Variants in SP100 observed in about 807,000 individuals in gnomAD.
SP100 encodes the protein SP100 nuclear body protein.
A neutral mutation model predicts 130.0 loss-of-function variants in SP100; 84 were observed. That is an observed-to-expected ratio of 0.65 (90% CI 0.54 to 0.77). SP100 has a LOEUF of 0.77. SP100 is among the 30% of genes least tolerant of loss of function. The pLI is 0.00. For synonymous variants in SP100, 331 were observed against 351.7 expected (o/e 0.94, Z 0.66); for missense variants, 978 against 1,052.2 (o/e 0.93, Z 0.97).
intron 24 of SP100, chr2:230,520,692 T>C (rs1252553777): frequency 2.0e-5 from 3 of 152,190 alleles, no homozygotes; most frequent in African/African-American, 4.8e-5. Context: ...AAATAAATAA[T>C]TTGATAACAG....
intron 2 of SP100, among the ~76,000 whole-genome samples, chr2:230,421,897 G>A (rs1282197473): frequency 1.3e-5 from 2 of 152,016 alleles, no homozygotes; most frequent in Non-Finnish European, 2.9e-5. Flanking sequence ...TTTCAATTCT[G>A]ACCATTTTGC....
chr2:230,430,435 T>A (rs1048686945), intron 2 of SP100, among the ~76,000 whole-genome samples: 8 of 152,222 alleles, frequency 5.3e-5, no homozygotes, highest in Non-Finnish European at 1.0e-4. Flanking sequence ...GGATTAGTTA[T>A]TCTCCAGAGT....
At chr2:230,479,110 C>T (rs539413394) in intron 17 of SP100, among the ~76,000 whole-genome samples, 3 of 152,298 alleles carry the variant, frequency 2.0e-5, no homozygotes, top group Non-Finnish European at 4.4e-5. Context: ...CGCGAGCCAC[C>T]GTGCCCGGCC....
chr2:230,464,208 G>T, intron 11 of SP100, 58 bp downstream of exon 11: 1 of 1,070,316 alleles, frequency 9.3e-7, no homozygotes, highest in Non-Finnish European at 1.4e-6. Context: ...CAAATCCAGA[G>T]CTCTGTTTTC....
rs910173438 is a variant in SP100, at chr2:230,444,225, G to A, written c.318G>A (p.Val106=). ...CRNLVPVQRV[V]YNVLSELEKT... ...ACCTGGTCCCTGTACAGAGAGTGGT[G>A]TACAATGTTCTTAGTGAACTGGAGA... Residue 106 remains valine (V), a synonymous_variant, in exon 4 of 29, where the codon GTG becomes GTA. Coordinates refer to ENST00000340126, the MANE Select transcript of SP100 (RefSeq NM_001080391.2). 1.2e-6 allele frequency: 2 copies of A among 1,612,366 alleles called. No homozygotes were observed. Among genetic ancestry groups the A allele is most frequent in the Admixed American group, 3.3e-5 (2 of 59,936 alleles).
In SP100 at chr2:230,541,815, C is replaced by T. The variant is rs1021262305; in HGVS notation, c.2404-77C>T. The T allele has an allele frequency of 2.5e-5, 38 of 1,505,220 alleles. No homozygotes were observed. The African/African-American group carries it at 4.7e-4, about 19-fold the overall frequency. The allele number at this position is 1,505,220 out of a possible 1,614,324, so 93.2% of individuals were successfully genotyped here. A position where few individuals can be genotyped will look rare whatever the true frequency, so the allele number is the denominator to read the frequency against. On this transcript the variant is annotated intron_variant, in intron 27 of 28. Coordinates refer to ENST00000340126, the MANE Select transcript of SP100 (RefSeq NM_001080391.2). ...TTTTGACCTATGGATTGGGGGAACT[C>T]CACAAACCTTTATTCCATAATAGTG...
At chr2:230,454,234 A>C (rs2064154713) in intron 8 of SP100, among the ~76,000 whole-genome samples, 1 of 152,044 alleles carries the variant, frequency 6.6e-6, no homozygotes, top group Non-Finnish European at 1.5e-5. Context: ...TTTTTTCAAA[A>C]AGCCAGTGCT....
At chr2:230,461,964 A>AG (rs966595695) in intron 9 of SP100, among the ~76,000 whole-genome samples, 4 of 151,870 alleles carry the variant, frequency 2.6e-5, no homozygotes, top group African/African-American at 9.7e-5. Context: ...AGAAAAAAAA[A>AG]AGGAAAAAAT....
rs776228655 is a variant in SP100 at position 230,506,462 on chromosome 2, T to G, written c.2013+17T>G. The G allele has an allele frequency of 6.2e-7, 1 of 1,612,414 alleles. No individual in the cohort carries two copies. Among genetic ancestry groups the G allele is most frequent in the Non-Finnish European group, 8.5e-7 (1 of 1,178,796 alleles). On this transcript the variant is annotated intron_variant, in intron 22 of 28. Coordinates refer to ENST00000340126, the MANE Select transcript of SP100 (RefSeq NM_001080391.2). ...CTGATGGAGGTATTCTAGTGACAGA[T>G]GGCTGAAACCAAGGATTTAGCTGTC...
At chr2:230,456,279 G>T (rs896960452) in intron 8 of SP100, among the ~76,000 whole-genome samples, 1 of 152,074 alleles carries the variant, frequency 6.6e-6, no homozygotes, top group Non-Finnish European at 1.5e-5. Flanking sequence ...GTCCACTGTT[G>T]TCCTTATTAA....
In SP100 at chr2:230,449,422, T is replaced by G. The variant is rs773940139; in HGVS notation, c.587-139T>G. The stretch of plus-strand genomic sequence containing the variant: ...CCCATGTGCCTGCTTCACCATTTTC[T>G]GCCTGCATCTGCTTGAATCTGGCTG... On this transcript the variant is annotated intron_variant, in intron 6 of 28. Transcript: ENST00000340126. 19 of 946,192 alleles carry G rather than the reference T, an allele frequency of 2.0e-5. No homozygotes were observed. In the East Asian group the frequency reaches 4.5e-4, roughly 22 times the overall value. The allele number at this position is 946,192 out of a possible 1,614,324, so 58.6% of individuals were successfully genotyped here. A position where few individuals can be genotyped will look rare whatever the true frequency, so the allele number is the denominator to read the frequency against.
intron 2 of SP100, among the ~76,000 whole-genome samples, chr2:230,422,514 A>T (rs1230481009): frequency 6.6e-6 from 1 of 152,238 alleles, no homozygotes; most frequent in African/African-American, 2.4e-5. Context: ...TCAAAAGTGT[A>T]CACTGGCTTA....
Position 230,450,227 on chromosome 2 carries a change from G to T in SP100, c.792G>T (p.Met264Ile), listed in dbSNP as rs768618914. Residue 264 changes from methionine (M) to isoleucine (I), a missense_variant, in exon 8 of 29, where the codon ATG becomes ATT. Coordinates refer to ENST00000340126, the MANE Select transcript of SP100 (RefSeq NM_001080391.2). ...ATAATGGGGATGCTGGAAGGGAGAT[G>T]CCCTGCCCGTTGCCCTGTGATGAAG... The part of the protein sequence containing the change: ...QVNNGDAGRE[M>I]PCPLPCDEES... 2 of 1,613,506 alleles carry T rather than the reference G, an allele frequency of 1.2e-6. No homozygotes were observed. The highest frequency in any genetic ancestry group is 3.3e-5 in the Admixed American group (2 of 59,956).
At chr2:230,448,684 G>A (rs549534407) in intron 5 of SP100, among the ~76,000 whole-genome samples, 2 of 152,344 alleles carry the variant, frequency 1.3e-5, no homozygotes, top group East Asian at 3.9e-4. Flanking sequence ...GAGAAAGCAT[G>A]AACAGATGTG....
intron 17 of SP100, among the ~76,000 whole-genome samples, chr2:230,492,605 C>T (rs2066447496): frequency 6.6e-6 from 1 of 152,080 alleles, no homozygotes; most frequent in Non-Finnish European, 1.5e-5. Flanking sequence ...TGCACCTAAC[C>T]CTTCTCATAT....
intron 17 of SP100, among the ~76,000 whole-genome samples, chr2:230,476,659 T>C (rs552011582): frequency 6.6e-6 from 1 of 152,326 alleles, no homozygotes; most frequent in African/African-American, 2.4e-5. Context: ...TACACACTTG[T>C]CCTTTCTTGC....
At chr2:230,539,701 T>C (rs990406715) in intron 25 of SP100, among the ~76,000 whole-genome samples, 8 of 150,690 alleles carry the variant, frequency 5.3e-5, no homozygotes, top group African/African-American at 2.0e-4. Flanking sequence ...TGCCTGCTGG[T>C]TTAAAGAGTA....
chr2:230,491,112 A>G lies in SP100; in HGVS notation c.1601-3304A>G, dbSNP rs535774784. On this transcript the variant is annotated intron_variant, in intron 17 of 28. Coordinates refer to ENST00000340126, the MANE Select transcript of SP100 (RefSeq NM_001080391.2). ...CTTCTCATCTCTTTCAGGTACTCCAATCAGTCATAGGTTTGGTCTTTTTAC... is the reference window on the plus strand; with the variant it reads ...CTTCTCATCTCTTTCAGGTACTCCAGTCAGTCATAGGTTTGGTCTTTTTAC... Among the ~76,000 whole-genome samples the G allele has an allele frequency of 3.3e-5, 5 of 152,274 alleles. No individual in the cohort carries two copies. In the South Asian group the frequency reaches 1.0e-3, roughly 32 times the overall value.
At chr2:230,457,868 T>A (rs2064363901) in intron 8 of SP100, among the ~76,000 whole-genome samples, 1 of 152,198 alleles carries the variant, frequency 6.6e-6, no homozygotes, top group African/African-American at 2.4e-5. Context: ...TATTTTTCTA[T>A]AAGGGCAAAA....
Sources: allele counts gnomAD v4.1 joint callset (sites outside exome capture counted in the v4.1 genomes callset), GRCh38; gene constraint gnomAD v4.1.1; transcripts MANE v1.5; gene names NCBI Gene and HGNC (gene_info 2026-07-23, HGNC 2026-07-21).